Variants in SYCP1 observed in about 807,000 individuals in gnomAD.
SYCP1 encodes the protein cancer/testis antigen 8.
Under a neutral mutation model 153.1 loss-of-function variants are expected in SYCP1, and 64 were observed. That is an observed-to-expected ratio of 0.42 (90% confidence interval 0.34 to 0.51). The LOEUF (loss-of-function observed/expected upper bound fraction) is 0.51. Among genes scored for constraint, SYCP1 ranks in the 20% least tolerant of loss-of-function variants. The pLI, the probability that SYCP1 is intolerant of heterozygous loss-of-function variation, is 0.06. For synonymous variants in SYCP1, 384 were observed against 341.8 expected, an observed-to-expected ratio of 1.12 and a Z score of -1.36; for missense variants, 997 against 1,049.0, an observed-to-expected ratio of 0.95 and a Z score of 0.68.
chr1:114,860,825 G>A lies in SYCP1; in HGVS notation c.598+16G>A. The A allele has an allele frequency of 3.2e-6, 5 of 1,543,638 alleles. No homozygotes were observed. Among genetic ancestry groups the A allele is most frequent in the South Asian group, 1.2e-5 (1 of 81,448 alleles). On this transcript the variant is annotated intron_variant, in intron 8 of 31. Coordinates refer to ENST00000369522, the MANE Select transcript of SYCP1 (RefSeq NM_003176.4). ...ACAAAGAAATGTAAATATCTTTCTT[G>A]TTTTATGTGATTTTATCAATTTATT...
intron 17 of SYCP1, 144 bp downstream of exon 17, chr1:114,910,645 AT>A: frequency 2.0e-6 from 1 of 510,566 alleles, no homozygotes; most frequent in Non-Finnish European, 3.3e-6. Flanking sequence ...TATATTTATG[AT>A]TGATTTAAAA....
intron 30 of SYCP1, among the ~76,000 whole-genome samples, chr1:114,986,163 A>T (rs1673491456): frequency 6.6e-6 from 1 of 151,992 alleles, no homozygotes. Context: ...ATCACAGTAT[A>T]TACTGTTCTT....
intron 30 of SYCP1, among the ~76,000 whole-genome samples, chr1:114,985,912 G>GAAA (rs11395393): frequency 2.3e-4 from 28 of 121,778 alleles, no homozygotes; most frequent in Admixed American, 3.9e-4. Flanking sequence ...CAAAAAATTT[G>GAAA]AAAAAAAAAA....
Position 114,876,860 on chromosome 1 carries a change from A to G in SYCP1, c.801+50A>G, listed in dbSNP as rs1227714928. The stretch of plus-strand genomic sequence containing the variant: ...TATTCTTTATATTTGCTAATTCATT[A>G]AAAACTTAAAATTTCAAAAGAAGTT... On this transcript the variant is annotated intron_variant, in intron 11 of 31. Transcript: ENST00000369522. 2.8e-6 allele frequency: 3 copies of G among 1,080,920 alleles called. No individual in the cohort carries two copies. In the Admixed American group the frequency reaches 1.2e-4, roughly 43 times the overall value. The allele number at this position is 1,080,920 out of a possible 1,614,324, so 67.0% of individuals were successfully genotyped here.
At chr1:114,967,847 T>C (rs994005973) in intron 27 of SYCP1, among the ~76,000 whole-genome samples, 1 of 152,222 alleles carries the variant, frequency 6.6e-6, no homozygotes, top group Non-Finnish European at 1.5e-5. Context: ...ATTTAGTGCT[T>C]CCTTCAGGAG....
intron 28 of SYCP1, among the ~76,000 whole-genome samples, chr1:114,979,168 C>G (rs1672986925): frequency 6.7e-6 from 1 of 149,864 alleles, no homozygotes; most frequent in South Asian, 2.1e-4. Context: ...TATTCCAACA[C>G]TACTGAAACA....
At chr1:114,934,022 C>T (rs1332756440) in intron 23 of SYCP1, among the ~76,000 whole-genome samples, 1 of 152,154 alleles carries the variant, frequency 6.6e-6, no homozygotes, top group Non-Finnish European at 1.5e-5. Context: ...CCCAACCTAG[C>T]AAGGCAGGCC....
chr1:114,902,915 C>T (rs944316367), intron 16 of SYCP1, among the ~76,000 whole-genome samples: 2 of 152,096 alleles, frequency 1.3e-5, no homozygotes, highest in Admixed American at 6.5e-5. Context: ...CATGCTGGCT[C>T]ACACCTGTAA....
intron 16 of SYCP1, among the ~76,000 whole-genome samples, chr1:114,902,420 G>A (rs1667526345): frequency 6.6e-6 from 1 of 152,190 alleles, no homozygotes; most frequent in South Asian, 2.1e-4. Context: ...TTTAAAGGGT[G>A]AGTAGGGCAG....
chr1:114,953,132 C>T (rs1040228324), intron 27 of SYCP1, among the ~76,000 whole-genome samples: 2 of 152,184 alleles, frequency 1.3e-5, no homozygotes, highest in African/African-American at 4.8e-5. Flanking sequence ...CCTCATGGCC[C>T]TATCACCTTC....
In SYCP1 at chr1:114,892,905, G is replaced by A. The variant is rs376186562; in HGVS notation, c.1259-2543G>A. 7.2e-5 allele frequency among the ~76,000 whole-genome samples: 11 copies of A among 152,134 alleles called. No individual in the cohort carries two copies. The East Asian group carries it at 1.9e-3, about 27-fold the overall frequency. ...GGGGGCTGGGCTCTCAAAATGGTAC[G>A]GGGCTATAGCTGCTTAGAACTCAGA... is the stretch of plus-strand genomic sequence containing the variant. On this transcript the variant is annotated intron_variant, in intron 15 of 31. Coordinates refer to ENST00000369522, the MANE Select transcript of SYCP1 (RefSeq NM_003176.4).
intron 19 of SYCP1, 121 bp from the exon 20 acceptor site, chr1:114,913,854 T>G: frequency 1.5e-6 from 1 of 650,728 alleles, no homozygotes; most frequent in South Asian, 2.9e-5. Context: ...GAAAAGCCCA[T>G]TTTTTTGCTT....
In SYCP1 at chr1:114,859,616, T is replaced by C. The variant is rs1485577472; in HGVS notation, c.457-127T>C. 1.9e-5 allele frequency: 8 copies of C among 418,984 alleles called. No individual in the cohort carries two copies. In the East Asian group the frequency reaches 5.8e-4, roughly 30 times the overall value. 26.0% of individuals were successfully genotyped at this position (418,984 alleles called of 1,614,324 possible). A position where few individuals can be genotyped will look rare whatever the true frequency, so the allele number is the denominator to read the frequency against. On this transcript the variant is annotated intron_variant, in intron 6 of 31. Transcript: ENST00000369522. ...AGCTATTACAAAAATGTTTCCTTTTTATGTGGAAAGAAAATAATTCTTTTA... is the reference window on the plus strand; with the variant it reads ...AGCTATTACAAAAATGTTTCCTTTTCATGTGGAAAGAAAATAATTCTTTTA...
At chr1:114,895,627 T>A in intron 16 of SYCP1, 118 bp downstream of exon 16, 1 of 500,156 alleles carries the variant, frequency 2.0e-6, no homozygotes. Flanking sequence ...AGCTAAAATG[T>A]AAAAATTATA....
chr1:114,940,719 A>G (rs988224802), intron 23 of SYCP1, among the ~76,000 whole-genome samples: 2 of 152,210 alleles, frequency 1.3e-5, no homozygotes, highest in African/African-American at 4.8e-5. Flanking sequence ...AACATCCCTT[A>G]CATACATGAA....
At chr1:114,920,663 T>C (rs1389310048) in intron 20 of SYCP1, among the ~76,000 whole-genome samples, 1 of 152,172 alleles carries the variant, frequency 6.6e-6, no homozygotes, top group Non-Finnish European at 1.5e-5. Context: ...GCTCCAGTGT[T>C]GGGTGCATAT....
chr1:114,963,361 T>C (rs920516193), intron 27 of SYCP1, among the ~76,000 whole-genome samples: 1 of 152,136 alleles, frequency 6.6e-6, no homozygotes, highest in African/African-American at 2.4e-5. Flanking sequence ...GCTTTGTTCA[T>C]TTTTTTAAAA....
intron 8 of SYCP1, among the ~76,000 whole-genome samples, chr1:114,873,374 C>T (rs1471462714): frequency 6.6e-6 from 1 of 152,126 alleles, no homozygotes; most frequent in Non-Finnish European, 1.5e-5. Flanking sequence ...TACTCCTCAG[C>T]CCTTGCATCC....
In SYCP1 at chr1:114,955,426, G is replaced by C. The variant is rs61590087; in HGVS notation, c.2322+8106G>C. On this transcript the variant is annotated intron_variant, in intron 27 of 31. Transcript: ENST00000369522. ...TGGTTATGATATCATGAGTCTGGAAGTGTTTTCCTTGCTTCTGTTTTCGGG... is the reference window on the plus strand; with the variant it reads ...TGGTTATGATATCATGAGTCTGGAACTGTTTTCCTTGCTTCTGTTTTCGGG... 6.5e-3 allele frequency among the ~76,000 whole-genome samples: 997 copies of C among 152,272 alleles called. 15 individuals are homozygous for C. Among genetic ancestry groups the C allele is most frequent in the African/African-American group, 0.022 (934 of 41,552 alleles).
Sources: gnomAD v4.1 joint callset for allele counts (sites outside exome capture counted in the v4.1 genomes callset) on GRCh38, gnomAD v4.1.1 for gene constraint, MANE v1.5 for transcripts, NCBI Gene and HGNC (gene_info 2026-07-23, HGNC 2026-07-21) for gene names.